C12orf42: variants seen among roughly 807,000 people sequenced by gnomAD.
The protein encoded by C12orf42 is uncharacterized protein C12orf42.
A neutral mutation model predicts 21.6 loss-of-function variants in C12orf42; 25 were observed. The observed-to-expected ratio is 1.16, with a 90% CI of 0.84 to 1.62. The LOEUF is 1.62. Ranked by LOEUF, C12orf42 falls within the 40% of genes most tolerant of loss-of-function variation. The pLI, the probability that C12orf42 is intolerant of heterozygous loss-of-function variation, is 0.00. For missense variants in C12orf42, 483 were observed against 459.3 expected (o/e 1.05, Z -0.47); for synonymous variants, 174 against 175.0 (o/e 0.99, Z 0.05).
At chr12:103,437,196 T>C (rs1443630264) in intron 2 of C12orf42, among the ~76,000 whole-genome samples, 1 of 152,110 alleles carries the variant, frequency 6.6e-6, no homozygotes, top group Admixed American at 6.6e-5. Flanking sequence ...AAAGATGTTC[T>C]TTGAAACCAG....
the C12orf42 span, chr12:103,168,049 T>C: frequency 2.2e-6 from 1 of 455,728 alleles, no homozygotes; most frequent in Admixed American, 2.4e-5. Flanking sequence ...TGAGGGAGAA[T>C]GGGAGAAACA....
At chr12:103,479,954 C>T (rs562144989) in intron 1 of C12orf42, among the ~76,000 whole-genome samples, 2 of 151,880 alleles carry the variant, frequency 1.3e-5, no homozygotes, top group South Asian at 4.1e-4. Flanking sequence ...ATGCTAGCTG[C>T]AAAACATTTG....
chr12:103,530,300 C>T, the C12orf42 span, among the ~76,000 whole-genome samples: 32 of 152,292 alleles, frequency 2.1e-4, 1 homozygote, highest in African/African-American at 7.2e-4. Context: ...TTATGAAGAG[C>T]GTGATGTGGG....
intron 10 of C12orf42, among the ~76,000 whole-genome samples, chr12:103,259,697 T>C (rs2034796482): frequency 1.3e-5 from 2 of 152,206 alleles, no homozygotes; most frequent in South Asian, 4.1e-4. Flanking sequence ...AATGTCGGTG[T>C]TGCCTTTTGT....
At chr12:103,091,279 A>G in the C12orf42 span, among the ~76,000 whole-genome samples, 1 of 151,948 alleles carries the variant, frequency 6.6e-6, no homozygotes, top group Non-Finnish European at 1.5e-5. Context: ...AGGCAGCCGC[A>G]CCTGTCAAAA....
the C12orf42 span, among the ~76,000 whole-genome samples, chr12:103,077,904 T>C: frequency 1.3e-5 from 2 of 152,150 alleles, no homozygotes; most frequent in Non-Finnish European, 2.9e-5. Flanking sequence ...TCTTCAGCAG[T>C]CACAACTTAA....
chr12:103,553,111 G>A, the C12orf42 span, among the ~76,000 whole-genome samples: 2 of 152,048 alleles, frequency 1.3e-5, no homozygotes, highest in East Asian at 1.9e-4. Flanking sequence ...ATTATTTGTC[G>A]CGGGGGCTGT....
At chr12:103,440,457 CAAAAAAA>C in intron 2 of C12orf42, among the ~76,000 whole-genome samples, 139 of 69,696 alleles carry the variant, frequency 2.0e-3, no homozygotes, top group African/African-American at 7.3e-3. Flanking sequence ...TCACAGATAC[CAAAAAAA>C]AAAAAAAAAA....
At chr12:103,482,849 A>T (rs952127879) in intron 1 of C12orf42, among the ~76,000 whole-genome samples, 1 of 151,826 alleles carries the variant, frequency 6.6e-6, no homozygotes, top group African/African-American at 2.4e-5. Flanking sequence ...TTAGATTTAC[A>T]TTCCAGTTCA....
At chr12:103,278,229 T>A (rs1316015649) in intron 4 of C12orf42, among the ~76,000 whole-genome samples, 1 of 152,178 alleles carries the variant, frequency 6.6e-6, no homozygotes, top group East Asian at 1.9e-4. Context: ...TGTTAAGGGT[T>A]TTTTTAAAAC....
At chr12:103,052,666 T>C in the C12orf42 span, among the ~76,000 whole-genome samples, 3 of 152,114 alleles carry the variant, frequency 2.0e-5, no homozygotes, top group Non-Finnish European at 4.4e-5. Flanking sequence ...TTCTTCATTT[T>C]TATTAACTAT....
chr12:103,060,914 C>A, the C12orf42 span, among the ~76,000 whole-genome samples: 1 of 152,154 alleles, frequency 6.6e-6, no homozygotes, highest in East Asian at 1.9e-4. Flanking sequence ...TAGGCTTGGG[C>A]AAAGACTTCA....
At chr12:103,530,321 A>C in the C12orf42 span, among the ~76,000 whole-genome samples, 1 of 152,300 alleles carries the variant, frequency 6.6e-6, no homozygotes, top group Admixed American at 6.5e-5. Context: ...ATCGTTTGGC[A>C]TTCTGCAAAG....
chr12:103,066,231 G>T, the C12orf42 span, among the ~76,000 whole-genome samples: 1 of 152,286 alleles, frequency 6.6e-6, no homozygotes, highest in African/African-American at 2.4e-5. Context: ...CATAAACTGG[G>T]TGCTTTCTGA....
intron 2 of C12orf42, among the ~76,000 whole-genome samples, chr12:103,472,977 TC>T (rs1396300865): frequency 6.6e-6 from 1 of 152,160 alleles, no homozygotes; most frequent in African/African-American, 2.4e-5. Context: ...GGCTTTTAGT[TC>T]TGCATCATCC....
At chr12:103,234,175 A>G (rs2033394925), downstream of C12orf42, among the ~76,000 whole-genome samples, 2 of 152,148 alleles carry the variant, frequency 1.3e-5, no homozygotes, top group African/African-American at 4.8e-5. Context: ...ATGGAGTGTA[A>G]TTCTCTTTAT....
At chr12:103,416,022 T>C (rs1196337412) in intron 2 of C12orf42, among the ~76,000 whole-genome samples, 3 of 118,512 alleles carry the variant, frequency 2.5e-5, no homozygotes, top group Admixed American at 2.2e-4. Flanking sequence ...CACCATTGTC[T>C]TTGTTTAGTG....
the C12orf42 span, among the ~76,000 whole-genome samples, chr12:103,224,941 C>T: frequency 2.9e-4 from 44 of 152,240 alleles, no homozygotes; most frequent in East Asian, 7.7e-3. Flanking sequence ...ACACGATCAG[C>T]AGGGAAAGCA....
chr12:103,079,287 A>C, the C12orf42 span, among the ~76,000 whole-genome samples: 3 of 152,192 alleles, frequency 2.0e-5, no homozygotes, highest in South Asian at 6.2e-4. Context: ...GAACAGAGTC[A>C]AGCTTTGGTG....
Sources: gnomAD v4.1 joint callset for allele counts (sites outside exome capture counted in the v4.1 genomes callset) on GRCh38, gnomAD v4.1.1 for gene constraint, MANE v1.5 for transcripts, NCBI Gene and HGNC (gene_info 2026-07-23, HGNC 2026-07-21) for gene names.